The following LUZP2 variants were observed in gnomAD, a reference collection of about 807,000 sequenced individuals.
LUZP2 encodes leucine zipper protein 2.
A neutral mutation model predicts 51.6 loss-of-function variants in LUZP2; 52 were observed. The ratio of observed to expected loss-of-function variants is 1.01; its 90% CI spans 0.81 to 1.27. The LOEUF (loss-of-function observed/expected upper bound fraction) is 1.27. LUZP2 is among the 50% of genes most tolerant of loss of function. The pLI is 0.00. For synonymous variants in LUZP2, 154 were observed against 137.3 expected (o/e 1.12, Z -0.85); for missense variants, 436 against 395.4 (o/e 1.10, Z -0.87).
intron 10 of LUZP2, among the ~76,000 whole-genome samples, chr11:25,071,663 C>T (rs1859161383): frequency 6.6e-6 from 1 of 151,226 alleles, no homozygotes; most frequent in South Asian, 2.1e-4. Flanking sequence ...ACACCGGGGC[C>T]TGTCATGGGG....
At chr11:25,026,253 G>GTAC (rs1857488811) in intron 9 of LUZP2, among the ~76,000 whole-genome samples, 1 of 151,864 alleles carries the variant, frequency 6.6e-6, no homozygotes, top group Non-Finnish European at 1.5e-5. Context: ...TAACAAACCT[G>GTAC]CATGTTGTGC....
At chr11:24,631,399 T>G (rs892161261) in intron 1 of LUZP2, among the ~76,000 whole-genome samples, 1 of 151,606 alleles carries the variant, frequency 6.6e-6, no homozygotes, top group Non-Finnish European at 1.5e-5. Flanking sequence ...CTTTATTGTT[T>G]TTTTTTTTCT....
intron 9 of LUZP2, among the ~76,000 whole-genome samples, chr11:25,026,624 T>C (rs1857499915): frequency 6.6e-6 from 1 of 152,070 alleles, no homozygotes; most frequent in Non-Finnish European, 1.5e-5. Flanking sequence ...TATTATTTAC[T>C]TGCTTTGTTA....
At chr11:25,015,011 C>G (rs1301162036) in intron 9 of LUZP2, among the ~76,000 whole-genome samples, 3 of 152,084 alleles carry the variant, frequency 2.0e-5, no homozygotes, top group Non-Finnish European at 2.9e-5. Context: ...ATAGGGAATC[C>G]TTTCCCCATT....
At chr11:24,617,014 G>T (rs1164757838) in intron 1 of LUZP2, among the ~76,000 whole-genome samples, 1 of 152,166 alleles carries the variant, frequency 6.6e-6, no homozygotes, top group Non-Finnish European at 1.5e-5. Context: ...ATTAGTTCCT[G>T]TTGGTTGACG....
At position 25,078,644 on chromosome 11, in the gene LUZP2, G is replaced by GA. The variant is rs778062448; in HGVS notation, c.1033dup (p.Ile345AsnfsTer10). Reference sequence around the variant, plus strand: ...CTTTGAAGGGATGGCAGCTAGAGAAGAAAAAATACTGTAAATACTAAGAAA... The same window carrying GA: ...CTTTGAAGGGATGGCAGCTAGAGAAGAAAAAAATACTGTAAATACTAAGAAA... On this transcript the variant is annotated frameshift_variant, in exon 12 of 12. Transcript: ENST00000336930. LOFTEE classifies it high-confidence loss of function. 2.0e-5 allele frequency: 32 copies of GA among 1,602,508 alleles called. No individual in the cohort carries two copies. In the East Asian group the frequency reaches 6.7e-4, roughly 34 times the overall value.
chr11:24,709,438 G>T (rs1857734220), intron 1 of LUZP2, among the ~76,000 whole-genome samples: 1 of 152,080 alleles, frequency 6.6e-6, no homozygotes, highest in South Asian at 2.1e-4. Flanking sequence ...AAAATATATG[G>T]ATTTGATAGA....
At chr11:24,517,154 G>A (rs906885) in intron 1 of LUZP2, among the ~76,000 whole-genome samples, 14,872 of 151,910 alleles carry the variant, frequency 0.098, 1,084 homozygotes, top group African/African-American at 0.2. Context: ...ATAATCTTAT[G>A]TCACCTGTCC....
intron 7 of LUZP2, among the ~76,000 whole-genome samples, chr11:24,939,211 A>T (rs981368287): frequency 3.9e-5 from 6 of 152,136 alleles, no homozygotes; most frequent in African/African-American, 1.4e-4. Context: ...AAGTGTACGG[A>T]CTTCTAAAAA....
chr11:24,602,376 A>G (rs188475581), intron 1 of LUZP2, among the ~76,000 whole-genome samples: 2,602 of 66,268 alleles, frequency 0.039, 37 homozygotes, highest in Middle Eastern at 0.052. Context: ...GTGTGTGTGT[A>G]TATATATATA....
At chr11:24,728,249 G>A (rs1311148621) in intron 1 of LUZP2, among the ~76,000 whole-genome samples, 1 of 151,842 alleles carries the variant, frequency 6.6e-6, no homozygotes, top group East Asian at 1.9e-4. Flanking sequence ...CAGAAACCTG[G>A]CATCATTAGT....
intron 9 of LUZP2, among the ~76,000 whole-genome samples, chr11:25,013,420 T>G (rs1191928084): frequency 1.3e-5 from 2 of 152,158 alleles, no homozygotes; most frequent in African/African-American, 2.4e-5. Flanking sequence ...CCTTTATAAA[T>G]TTTTACATAT....
chr11:24,818,315 AT>A (rs1590585991), intron 5 of LUZP2, among the ~76,000 whole-genome samples: 1 of 152,046 alleles, frequency 6.6e-6, no homozygotes, highest in East Asian at 1.9e-4. Context: ...TTTTATGAGA[AT>A]GTTTAATTAA....
In LUZP2 at chr11:25,007,244, G is replaced by T. The variant is rs958036188; in HGVS notation, c.765+23951G>T. ...GCCGGGTTCACCTCTCACTATTATT[G>T]TTATTGTACAAATTATAGAAACAAC... On this transcript the variant is annotated intron_variant, in intron 9 of 11. Transcript: ENST00000336930. Among the ~76,000 whole-genome samples the T allele has an allele frequency of 6.6e-5, 10 of 152,192 alleles. No individual in the cohort carries two copies. The East Asian group carries it at 1.9e-3, about 29-fold the overall frequency.
intron 7 of LUZP2, among the ~76,000 whole-genome samples, chr11:24,952,791 C>A (rs1213884001): frequency 6.6e-6 from 1 of 151,864 alleles, no homozygotes; most frequent in South Asian, 2.1e-4. Context: ...CTGTGTAACA[C>A]TAATTGTTAT....
intron 5 of LUZP2, among the ~76,000 whole-genome samples, chr11:24,854,102 G>C (rs1429977342): frequency 1.3e-5 from 2 of 152,204 alleles, no homozygotes; most frequent in Non-Finnish European, 2.9e-5. Flanking sequence ...GGGTGTCAGG[G>C]ACCCATTTGA....
intron 7 of LUZP2, among the ~76,000 whole-genome samples, chr11:24,959,481 A>G (rs996535961): frequency 1.3e-5 from 2 of 151,978 alleles, no homozygotes; most frequent in African/African-American, 4.8e-5. Context: ...GTCCCTTGTA[A>G]GTTGGATTCC....
chr11:25,004,768 C>A (rs928362393), intron 9 of LUZP2, among the ~76,000 whole-genome samples: 1 of 152,136 alleles, frequency 6.6e-6, no homozygotes, highest in African/African-American at 2.4e-5. Flanking sequence ...CAACTCCAGT[C>A]CCCAAGATCT....
chr11:24,849,223 T>A (rs941429423), intron 5 of LUZP2, among the ~76,000 whole-genome samples: 15 of 152,168 alleles, frequency 9.9e-5, no homozygotes, highest in African/African-American at 3.6e-4. Context: ...GGTGGTTTGC[T>A]GCACCCATCA....
Sources: allele counts gnomAD v4.1 joint callset (sites outside exome capture counted in the v4.1 genomes callset), GRCh38; gene constraint gnomAD v4.1.1; transcripts MANE v1.5; gene names NCBI Gene and HGNC (gene_info 2026-07-23, HGNC 2026-07-21).